Variants in SRBD1 observed in about 807,000 individuals in gnomAD.
The protein encoded by SRBD1 is S1 RNA-binding domain-containing protein 1.
In SRBD1, 88 loss-of-function variants were observed where a neutral mutation model predicts 115.3. That is an observed-to-expected ratio of 0.76 (90% CI 0.64 to 0.91). The LOEUF (loss-of-function observed/expected upper bound fraction) is 0.91. Among genes scored for constraint, SRBD1 ranks in the 40% least tolerant of loss-of-function variants. The pLI is 0.00. For synonymous variants in SRBD1, 509 were observed against 407.7 expected (o/e 1.25, Z -2.99); for missense variants, 1,385 against 1,177.4 (o/e 1.18, Z -2.58).
At chr2:45,414,608 A>G (rs1248776113) in intron 18 of SRBD1, among the ~76,000 whole-genome samples, 2 of 140,268 alleles carry the variant, frequency 1.4e-5, no homozygotes, top group Non-Finnish European at 3.1e-5. Flanking sequence ...TAGTGTGTAT[A>G]GTGTGTGTAC....
chr2:45,468,685 G>C (rs1409588993), intron 16 of SRBD1, among the ~76,000 whole-genome samples: 1 of 152,090 alleles, frequency 6.6e-6, no homozygotes, highest in Non-Finnish European at 1.5e-5. Context: ...ACCGTGCCCA[G>C]TCTCAATGAA....
In SRBD1 at chr2:45,418,348, T is replaced by G. The variant is rs773195850; in HGVS notation, c.2333+17A>C. The G allele has an allele frequency of 6.2e-7, 1 of 1,609,404 alleles. No individual in the cohort carries two copies. Among genetic ancestry groups the G allele is most frequent in the African/African-American group, 1.3e-5 (1 of 74,562 alleles). On this transcript the variant is annotated intron_variant, in intron 18 of 20. Transcript: ENST00000263736. Reference sequence around the variant, plus strand: ...GAGGAGGTTGACAATAGAATCAAAGTGTATACTTATACTCACCTGCAAAAC... The same window carrying G: ...GAGGAGGTTGACAATAGAATCAAAGGGTATACTTATACTCACCTGCAAAAC...
In SRBD1 at chr2:45,528,267, A is replaced by G. The variant is rs575106226; in HGVS notation, c.1874+18465T>C. Among the ~76,000 whole-genome samples, 5 of 151,994 alleles carry G rather than the reference A, an allele frequency of 3.3e-5. No individual in the cohort carries two copies. The South Asian group carries it at 1.0e-3, about 32-fold the overall frequency. ...GTTAAGAAGCGAGTATCAAGAGACT[A>G]TACATGAAAAGTAGGTTGAGGCCAG... On this transcript the variant is annotated intron_variant, in intron 14 of 20. Transcript: ENST00000263736.
intron 14 of SRBD1, among the ~76,000 whole-genome samples, chr2:45,500,279 C>G (rs563987568): frequency 5.6e-5 from 8 of 143,446 alleles, no homozygotes; most frequent in East Asian, 2.1e-4. Flanking sequence ...GTGCATGTCT[C>G]TGTGTGTGTG....
At chr2:45,420,678 T>C (rs946323140) in intron 16 of SRBD1, among the ~76,000 whole-genome samples, 1 of 152,204 alleles carries the variant, frequency 6.6e-6, no homozygotes, top group Non-Finnish European at 1.5e-5. Context: ...TGATCACTTT[T>C]ATATTCAAAA....
chr2:45,557,734 C>T (rs1051277471), intron 10 of SRBD1, among the ~76,000 whole-genome samples: 2 of 152,194 alleles, frequency 1.3e-5, no homozygotes, highest in African/African-American at 4.8e-5. Flanking sequence ...ATAGTAAATT[C>T]ACAAACCCTG....
chr2:45,393,873 C>T (rs1667073490), intron 19 of SRBD1, among the ~76,000 whole-genome samples: 1 of 152,178 alleles, frequency 6.6e-6, no homozygotes, highest in African/African-American at 2.4e-5. Context: ...ATGAATTACT[C>T]TATTCATGTG....
chr2:45,498,875 T>C (rs1387160738), intron 14 of SRBD1, among the ~76,000 whole-genome samples: 1 of 152,222 alleles, frequency 6.6e-6, no homozygotes, highest in East Asian at 1.9e-4. Context: ...ACATACCACA[T>C]TTTCTTTATC....
At chr2:45,535,507 C>G (rs1248624297) in intron 14 of SRBD1, among the ~76,000 whole-genome samples, 1 of 151,894 alleles carries the variant, frequency 6.6e-6, no homozygotes, top group Non-Finnish European at 1.5e-5. Flanking sequence ...TATTTTCCCT[C>G]TGGAACAACA....
chr2:45,389,280 T>C lies in SRBD1; in HGVS notation c.*30A>G. On this transcript the variant is annotated 3_prime_UTR_variant, in exon 21 of 21. Coordinates refer to ENST00000263736, the MANE Select transcript of SRBD1 (RefSeq NM_018079.5). ...TTGTCAATCTGTGGAAATGAGAAAATAAAATCAGCGTCTGGCCTTCGTGGG... is the reference window on the plus strand; with the variant it reads ...TTGTCAATCTGTGGAAATGAGAAAACAAAATCAGCGTCTGGCCTTCGTGGG... The C allele has an allele frequency of 1.3e-6, 2 of 1,595,046 alleles. No homozygotes were observed. The highest frequency in any genetic ancestry group is 1.7e-6 in the Non-Finnish European group (2 of 1,169,078).
At chr2:45,560,421 T>C (rs1672625507) in intron 10 of SRBD1, among the ~76,000 whole-genome samples, 1 of 152,184 alleles carries the variant, frequency 6.6e-6, no homozygotes, top group Non-Finnish European at 1.5e-5. Context: ...CTAAAAAGAA[T>C]TAGCACAATA....
At chr2:45,596,979 C>A (rs1243963737) in intron 4 of SRBD1, among the ~76,000 whole-genome samples, 1 of 128,912 alleles carries the variant, frequency 7.8e-6, no homozygotes, top group Non-Finnish European at 1.6e-5. Context: ...ACACCCACAC[C>A]CACAACCCTC....
chr2:45,486,648 G>C (rs749386892), intron 15 of SRBD1, among the ~76,000 whole-genome samples: 2 of 151,910 alleles, frequency 1.3e-5, no homozygotes, highest in Non-Finnish European at 2.9e-5. Context: ...CAAGAGAATG[G>C]CATGAACCCC....
chr2:45,417,750 G>GT (rs1473904085), intron 18 of SRBD1, among the ~76,000 whole-genome samples: 1 of 152,218 alleles, frequency 6.6e-6, no homozygotes, highest in African/African-American at 2.4e-5. Flanking sequence ...TCCATTTTCA[G>GT]TGAGGAGGGA....
At chr2:45,601,151 C>T (rs1463163430) in intron 3 of SRBD1, among the ~76,000 whole-genome samples, 4 of 152,186 alleles carry the variant, frequency 2.6e-5, no homozygotes, top group African/African-American at 9.6e-5. Flanking sequence ...GCTATTAAAA[C>T]ATTCAATTGT....
intron 14 of SRBD1, among the ~76,000 whole-genome samples, chr2:45,522,230 C>A (rs1379504838): frequency 6.6e-6 from 1 of 151,938 alleles, no homozygotes; most frequent in African/African-American, 2.4e-5. Flanking sequence ...GTTGCCCAGG[C>A]TAGAGCAGTG....
chr2:45,476,712 GCTCT>G (rs1329349811), intron 16 of SRBD1, among the ~76,000 whole-genome samples: 1 of 152,060 alleles, frequency 6.6e-6, no homozygotes, highest in Non-Finnish European at 1.5e-5. Flanking sequence ...AAAAGAAGAG[GCTCT>G]CTCTCCAAAT....
chr2:45,451,219 A>G (rs978348598), intron 16 of SRBD1, among the ~76,000 whole-genome samples: 5 of 152,066 alleles, frequency 3.3e-5, no homozygotes, highest in African/African-American at 4.8e-5. Flanking sequence ...TTTTAATTGC[A>G]CTTGAATGGA....
chr2:45,518,631 G>C (rs529592097), intron 14 of SRBD1, among the ~76,000 whole-genome samples: 81 of 152,212 alleles, frequency 5.3e-4, no homozygotes, highest in African/African-American at 1.8e-3. Flanking sequence ...CAACATGTTT[G>C]GTGCCTTTGT....
Sources: gnomAD v4.1 joint callset for allele counts (sites outside exome capture counted in the v4.1 genomes callset) on GRCh38, gnomAD v4.1.1 for gene constraint, MANE v1.5 for transcripts, NCBI Gene and HGNC (gene_info 2026-07-23, HGNC 2026-07-21) for gene names.